MBD2: variants seen among roughly 807,000 people sequenced by gnomAD.
The protein encoded by MBD2 is methyl-CpG binding domain protein 2, also known as methyl-CpG-binding domain protein 2.
Under a neutral mutation model 39.3 loss-of-function variants are expected in MBD2, and 9 were observed. That is an observed-to-expected ratio of 0.23 (90% CI 0.14 to 0.40). MBD2 has a LOEUF of 0.40. Among genes scored for constraint, MBD2 ranks in the 10% least tolerant of loss-of-function variants. The pLI, the probability that MBD2 is intolerant of heterozygous loss-of-function variation, is 1.00. For synonymous variants in MBD2, 233 were observed against 211.1 expected, an observed-to-expected ratio of 1.10 and a Z score of -0.90; for missense variants, 458 against 532.6, an observed-to-expected ratio of 0.86 and a Z score of 1.38.
chr18:54,185,930 T>G (rs1459824969), intron 3 of MBD2, among the ~76,000 whole-genome samples: 1 of 152,154 alleles, frequency 6.6e-6, no homozygotes, highest in Non-Finnish European at 1.5e-5. Flanking sequence ...ATTTGCACTT[T>G]TAAAGCTAAG....
intron 3 of MBD2, among the ~76,000 whole-genome samples, chr18:54,188,513 A>T (rs1599091147): frequency 6.6e-6 from 1 of 152,226 alleles, no homozygotes; most frequent in East Asian, 1.9e-4. Context: ...ATAATACAAA[A>T]TATTTTTAAA....
rs1203832402 is a variant in MBD2, at chr18:54,224,584, G to A, written c.-25C>T. 1.6e-6 allele frequency: 2 copies of A among 1,221,804 alleles called. No individual in the cohort carries two copies. The highest frequency in any genetic ancestry group is 4.3e-5 in the Admixed American group (1 of 23,528). 75.7% of individuals were successfully genotyped at this position (1,221,804 alleles called of 1,614,324 possible). ...TCCAGCCCCCTCCCCAGCCGGCGCTGCGCTTCTTCCGTAACCGAGCCCTTG... is the reference window on the plus strand; with the variant it reads ...TCCAGCCCCCTCCCCAGCCGGCGCTACGCTTCTTCCGTAACCGAGCCCTTG... On this transcript the variant is annotated 5_prime_UTR_variant, in exon 1 of 7. Transcript: ENST00000256429.
intron 6 of MBD2, 39 bp from the exon 7 acceptor site, chr18:54,155,350 C>T (rs2086044974): frequency 1.3e-5 from 2 of 150,862 alleles, no homozygotes; most frequent in Admixed American, 6.6e-5. Flanking sequence ...CTTAAGTAAT[C>T]CAGTGATTTA....
intron 1 of MBD2, among the ~76,000 whole-genome samples, chr18:54,217,749 C>G (rs1217620794): frequency 6.6e-6 from 1 of 152,150 alleles, no homozygotes; most frequent in Non-Finnish European, 1.5e-5. Context: ...CTACCAATTT[C>G]TGTTGGAGAT....
intron 6 of MBD2, among the ~76,000 whole-genome samples, chr18:54,157,298 T>C (rs1356698114): frequency 6.6e-6 from 1 of 151,606 alleles, no homozygotes; most frequent in Non-Finnish European, 1.5e-5. Flanking sequence ...TCTCACTCTA[T>C]CACCCAGGCT....
At chr18:54,213,165 T>C (rs1032388533) in intron 1 of MBD2, among the ~76,000 whole-genome samples, 8 of 152,110 alleles carry the variant, frequency 5.3e-5, no homozygotes, top group African/African-American at 1.9e-4. Context: ...TATCTCTATT[T>C]CACGGATCCC....
chr18:54,198,425 G>A lies in MBD2; in HGVS notation c.702+6573C>T, dbSNP rs532117492. 5.3e-5 allele frequency among the ~76,000 whole-genome samples: 8 copies of A among 152,296 alleles called. No homozygotes were observed. In the South Asian group the frequency reaches 1.0e-3, roughly 20 times the overall value. On this transcript the variant is annotated intron_variant, in intron 2 of 6. Transcript: ENST00000256429. The stretch of plus-strand genomic sequence containing the variant: ...GAGGAAAATAAGCTCTTGGAGAAAT[G>A]TACACAAGGCTGGATGCTGTGGCTC...
intron 3 of MBD2, among the ~76,000 whole-genome samples, chr18:54,167,142 T>C (rs562787476): frequency 1.2e-4 from 18 of 152,276 alleles, no homozygotes; most frequent in African/African-American, 4.3e-4. Flanking sequence ...TAACTGTCTT[T>C]AATCCTGGAT....
chr18:54,218,622 A>G (rs942289853), intron 1 of MBD2, among the ~76,000 whole-genome samples: 2 of 151,994 alleles, frequency 1.3e-5, no homozygotes, highest in Non-Finnish European at 2.9e-5. Context: ...CTAACTCCCA[A>G]TCTGTAAAAT....
chr18:54,180,898 TTTTTC>T lies in MBD2; in HGVS notation c.840+7971_840+7975del, dbSNP rs1415698516. Reference sequence around the variant, plus strand: ...AGCCTATGTATTCCTTAATTTTTTCTTTTTCTTTTTTTTTTTTTTTTTTTTTTTGA... The same window carrying T: ...AGCCTATGTATTCCTTAATTTTTTCTTTTTTTTTTTTTTTTTTTTTTTTGA... On this transcript the variant is annotated intron_variant, in intron 3 of 6. Transcript: ENST00000256429. 3.8e-4 allele frequency among the ~76,000 whole-genome samples: 15 copies of T among 39,640 alleles called. 1 individual carries two copies. The African/African-American group carries it at 3.8e-3, about 10-fold the overall frequency. The allele number at this position is 39,640 out of a possible 152,430, so 26.0% of individuals were successfully genotyped here.
At chr18:54,175,987 A>C (rs1356690127) in intron 3 of MBD2, among the ~76,000 whole-genome samples, 1 of 152,244 alleles carries the variant, frequency 6.6e-6, no homozygotes, top group Non-Finnish European at 1.5e-5. Flanking sequence ...TAAATGCGTA[A>C]GATATGTGAT....
intron 6 of MBD2, among the ~76,000 whole-genome samples, chr18:54,157,648 T>G (rs540880481): frequency 2.2e-4 from 33 of 152,334 alleles, no homozygotes; most frequent in Non-Finnish European, 3.4e-4. Flanking sequence ...TTATATGTAT[T>G]ATTGGATTTT....
rs142982327 is a variant in MBD2, at chr18:54,169,672, T to C, written c.841-3506A>G. 6.2e-3 allele frequency among the ~76,000 whole-genome samples: 950 copies of C among 152,336 alleles called. 7 individuals carry two copies. Among genetic ancestry groups the C allele is most frequent in the African/African-American group, 0.022 (912 of 41,572 alleles). ...TTGCACTACACTTCATAAGCACTACTGCTGTCATAAATCCTAAACTACTCA... is the reference window on the plus strand; with the variant it reads ...TTGCACTACACTTCATAAGCACTACCGCTGTCATAAATCCTAAACTACTCA... On this transcript the variant is annotated intron_variant, in intron 3 of 6. Transcript: ENST00000256429.
Position 54,188,879 on chromosome 18 carries a change from G to A in MBD2, c.835C>T (p.Arg279Cys), listed in dbSNP as rs747514913. Residue 279 changes from arginine (R) to cysteine (C), a missense_variant, in exon 3 of 7, where the codon CGT becomes TGT. Arg to Cys is a radical substitution (Grantham distance 180). This residue lies in a region of MBD2 where 189 missense variants were observed against 296.6 expected (regional missense o/e 0.64). Transcript: ENST00000256429. ...AGAACGAATTAGATCCTTACCTGAC[G>A]TGGCTGTTCATTCATTCGTTGTGGG... ...SDPQRMNEQPRQLFWEKRLQG... is the reference protein window; with the variant it reads ...SDPQRMNEQPCQLFWEKRLQG... The A allele has an allele frequency of 3.7e-6, 6 of 1,606,936 alleles. No homozygotes were observed. Among genetic ancestry groups the A allele is most frequent in the East Asian group, 2.2e-5 (1 of 44,742 alleles).
In MBD2 at chr18:54,154,346, G is replaced by C. The variant is rs1003682275; in HGVS notation, c.*978C>G. The C allele has an allele frequency of 6.6e-6, 1 of 152,104 alleles. No individual in the cohort carries two copies. Among genetic ancestry groups the C allele is most frequent in the Non-Finnish European group, 1.5e-5 (1 of 68,024 alleles). The allele number at this position is 152,104 out of a possible 1,614,324, so 9.4% of individuals were successfully genotyped here. A position where few individuals can be genotyped will look rare whatever the true frequency, so the allele number is the denominator to read the frequency against. ...GGAGGCCAGGCCAGGTACAGGTAAT[G>C]GTTTGTAAAGTATTACAAACCCTTT... On this transcript the variant is annotated 3_prime_UTR_variant, in exon 7 of 7. Transcript: ENST00000256429.
chr18:54,208,249 T>G (rs1407405101), intron 1 of MBD2, among the ~76,000 whole-genome samples: 3 of 152,116 alleles, frequency 2.0e-5, no homozygotes, highest in African/African-American at 7.2e-5. Flanking sequence ...TCCCAGCACT[T>G]TGGGAGGCCA....
rs1259938 is a variant in MBD2, at chr18:54,154,387, T to C, written c.*937A>G. The C allele has an allele frequency of 0.74, 112,996 of 152,030 alleles. 42,754 individuals are homozygous for C. The highest frequency in any genetic ancestry group is 0.97 in the East Asian group (5,011 of 5,172). 9.4% of individuals were successfully genotyped at this position (152,030 alleles called of 1,614,324 possible). A position where few individuals can be genotyped will look rare whatever the true frequency, so the allele number is the denominator to read the frequency against. The stretch of plus-strand genomic sequence containing the variant: ...CAAACCCTTTCATTAAGCAACTCTG[T>C]CTAGAAGCTGCCTCTCACTGTAGCC... On this transcript the variant is annotated 3_prime_UTR_variant, in exon 7 of 7. Transcript: ENST00000256429.
intron 2 of MBD2, among the ~76,000 whole-genome samples, chr18:54,189,327 A>C (rs2086304161): frequency 6.8e-6 from 1 of 146,164 alleles, no homozygotes; most frequent in African/African-American, 2.5e-5. Context: ...GGGTCTGCTT[A>C]CGCCATCCGC....
At position 54,224,392 on chromosome 18, in the gene MBD2, GC is replaced by G; in HGVS notation, c.167del (p.Gly56AlafsTer109). Reference sequence around the variant, plus strand: ...TCCACCGCCCCCGGCCACGGCCGCCGCCCCGAGCGCCTTCCCTGCGCACGCC... The same window carrying G: ...TCCACCGCCCCCGGCCACGGCCGCCGCCCGAGCGCCTTCCCTGCGCACGCC... Reference protein sequence around the residue: ...VSGVRREGARGGGRGRGRWKQ... With the variant: ...VSGVRREGARXGGRGRGRWKQ... On this transcript the variant is annotated frameshift_variant, in exon 1 of 7. Transcript: ENST00000256429. LOFTEE classifies it high-confidence loss of function. 8.1e-7 allele frequency: 1 copy of G among 1,238,054 alleles called. No homozygotes were observed. Among genetic ancestry groups the G allele is most frequent in the Non-Finnish European group, 1.0e-6 (1 of 990,340 alleles). 76.7% of individuals were successfully genotyped at this position (1,238,054 alleles called of 1,614,324 possible).
Sources: gnomAD v4.1 joint callset for allele counts (sites outside exome capture counted in the v4.1 genomes callset) on GRCh38, gnomAD v4.1.1 for gene constraint, gnomAD v4.1.1 regional missense constraint, MANE v1.5 for transcripts, NCBI Gene and HGNC (gene_info 2026-07-23, HGNC 2026-07-21) for gene names.